The following RYR2 variants were observed in gnomAD, a reference collection of about 807,000 sequenced individuals.
RYR2 encodes the protein ryanodine receptor 2.
Under a neutral mutation model 601.1 loss-of-function variants are expected in RYR2, and 227 were observed. The observed-to-expected ratio is 0.38, with a 90% CI of 0.34 to 0.42. The LOEUF is 0.42. Among genes scored for constraint, RYR2 ranks in the 10% least tolerant of loss-of-function variants. The pLI is 1.00. For synonymous variants in RYR2, 2,223 were observed against 2,175.1 expected (o/e 1.02, Z -0.61); for missense variants, 4,646 against 6,156.5 (o/e 0.75, Z 8.21).
chr1:237,653,241 T>C (rs1682936867), intron 51 of RYR2, among the ~76,000 whole-genome samples: 1 of 151,842 alleles, frequency 6.6e-6, no homozygotes, highest in Non-Finnish European at 1.5e-5. Context: ...GTGATCAGAG[T>C]AGAGCAATTT....
intron 1 of RYR2, among the ~76,000 whole-genome samples, chr1:237,125,960 G>T (rs1185435586): frequency 3.3e-5 from 5 of 152,192 alleles, no homozygotes; most frequent in Admixed American, 3.3e-4. Context: ...ACTGAGGCCG[G>T]GCACAGTGGC....
intron 56 of RYR2, among the ~76,000 whole-genome samples, chr1:237,662,211 G>T (rs1683869880): frequency 6.6e-6 from 1 of 152,054 alleles, no homozygotes; most frequent in Non-Finnish European, 1.5e-5. Flanking sequence ...TCTTTGGGAT[G>T]TATCATATAT....
rs2148789721 is a variant in RYR2 at position 237,648,512 on chromosome 1, T to C, written c.7411T>C (p.Phe2471Leu). ...AGATCACAAGGCAGCCATGGTTTTA[T>C]TCCTTGACAGGGTCTATGGGATTGA... ...CPDHKAAMVL[F>L]LDRVYGIEVQ... Residue 2471 changes from phenylalanine to leucine, a missense_variant, in exon 49 of 105, where the codon TTC becomes CTC. Around this residue, in one of 17 missense-constraint regions of RYR2, gnomAD observed 1,497 missense variants for 1,842.6 expected, o/e 0.81. Transcript: ENST00000366574. 1.2e-6 allele frequency: 2 copies of C among 1,611,388 alleles called. No individual in the cohort carries two copies. Among genetic ancestry groups the C allele is most frequent in the Non-Finnish European group, 1.7e-6 (2 of 1,178,692 alleles).
At chr1:237,650,166 A>G in intron 50 of RYR2, 69 bp downstream of exon 50, 1 of 1,404,610 alleles carries the variant, frequency 7.1e-7, no homozygotes, top group Non-Finnish European at 9.9e-7. Context: ...GGCCTTTGAC[A>G]AATTATTTAG....
chr1:237,347,193 C>T (rs10925377), intron 3 of RYR2, among the ~76,000 whole-genome samples: 16,410 of 151,868 alleles, frequency 0.11, 1,134 homozygotes, highest in East Asian at 0.18. Flanking sequence ...CGTGGTGGTG[C>T]GCACCTGTAG....
At chr1:237,395,564 T>TTTTTTTTTTTTTGG (rs1400077755) in intron 10 of RYR2, among the ~76,000 whole-genome samples, 1 of 77,632 alleles carries the variant, frequency 1.3e-5, no homozygotes, top group African/African-American at 5.9e-5. Context: ...TTTTTTTTTT[T>TTTTTTTTTTTTTGG]GAGACAGAGT....
chr1:237,748,343 C>A (rs1692255733), intron 80 of RYR2, among the ~76,000 whole-genome samples: 1 of 152,184 alleles, frequency 6.6e-6, no homozygotes, highest in Non-Finnish European at 1.5e-5. Flanking sequence ...AGGTTCCTTA[C>A]ATCTCCTGTC....
intron 2 of RYR2, among the ~76,000 whole-genome samples, chr1:237,306,978 G>A (rs1352063783): frequency 6.6e-6 from 1 of 152,082 alleles, no homozygotes; most frequent in African/African-American, 2.4e-5. Context: ...TTACGGGTAC[G>A]TACTTATACT....
intron 3 of RYR2, among the ~76,000 whole-genome samples, chr1:237,351,132 G>T (rs373663867): frequency 1.3e-5 from 2 of 152,182 alleles, no homozygotes; most frequent in Admixed American, 6.5e-5. Flanking sequence ...GAATCAACGA[G>T]TTAATCAAAA....
intron 10 of RYR2, among the ~76,000 whole-genome samples, chr1:237,388,438 C>T (rs985007464): frequency 2.6e-5 from 4 of 152,138 alleles, no homozygotes; most frequent in African/African-American, 7.2e-5. Flanking sequence ...ACAAAATTAA[C>T]GAAGTGAGAA....
chr1:237,259,940 A>T (rs1349319920), intron 1 of RYR2, among the ~76,000 whole-genome samples: 3 of 152,214 alleles, frequency 2.0e-5, no homozygotes, highest in African/African-American at 4.8e-5. Flanking sequence ...TAGCAGATGC[A>T]CATCATATGG....
At chr1:237,705,455 T>G in intron 67 of RYR2, 112 bp downstream of exon 67, 1 of 860,358 alleles carries the variant, frequency 1.2e-6, no homozygotes, top group Non-Finnish European at 1.8e-6. Flanking sequence ...TATCCAATCT[T>G]GTTTGTTCTT....
In RYR2 at chr1:237,742,632, G is replaced by A. The variant is rs564408482; in HGVS notation, c.11145+283G>A. On this transcript the variant is annotated intron_variant, in intron 80 of 104. Coordinates refer to ENST00000366574, the MANE Select transcript of RYR2 (RefSeq NM_001035.3). ...GGCTTCAAATTGGTCTCATCTCAGC[G>A]ATGTGGTCTGGAATTTCCAACAGAC... Among the ~76,000 whole-genome samples the A allele has an allele frequency of 5.3e-4, 81 of 152,272 alleles. 1 individual carries two copies. The Middle Eastern group carries it at 0.01, about 19-fold the overall frequency.
At chr1:237,447,028 T>C (rs1657439254) in intron 14 of RYR2, among the ~76,000 whole-genome samples, 1 of 152,186 alleles carries the variant, frequency 6.6e-6, no homozygotes, top group Non-Finnish European at 1.5e-5. Flanking sequence ...AATCCTATGA[T>C]AGGGATTGAG....
At chr1:237,075,332 G>A (rs1572545583) in intron 1 of RYR2, among the ~76,000 whole-genome samples, 1 of 151,526 alleles carries the variant, frequency 6.6e-6, no homozygotes, top group Non-Finnish European at 1.5e-5. Context: ...CGACGCAGAA[G>A]ACGGGTGATT....
At chr1:237,589,685 G>A in intron 29 of RYR2, 108 bp from the exon 30 acceptor site, 1 of 971,356 alleles carries the variant, frequency 1.0e-6, no homozygotes, top group African/African-American at 1.6e-5. Context: ...TTCACCCTAG[G>A]GTGACAGCTC....
At chr1:237,100,986 C>T (rs967258375) in intron 1 of RYR2, among the ~76,000 whole-genome samples, 1 of 151,784 alleles carries the variant, frequency 6.6e-6, no homozygotes, top group African/African-American at 2.4e-5. Flanking sequence ...TTGTCTTTGC[C>T]GCCTCACTTC....
At chr1:237,536,489 C>T (rs914587434) in intron 25 of RYR2, among the ~76,000 whole-genome samples, 3 of 151,582 alleles carry the variant, frequency 2.0e-5, no homozygotes, top group African/African-American at 4.8e-5. Flanking sequence ...CCGAGGCGGG[C>T]GGATCACGAG....
chr1:237,833,351 GCCCCCC>G lies in RYR2; in HGVS notation c.*711_*716del, dbSNP rs397983403. 7 of 109,104 alleles carry G rather than the reference GCCCCCC, an allele frequency of 6.4e-5. No individual in the cohort carries two copies. The highest frequency in any genetic ancestry group is 1.2e-4 in the Non-Finnish European group (7 of 57,096). The allele number at this position is 109,104 out of a possible 1,614,324, so 6.8% of individuals were successfully genotyped here. A position where few individuals can be genotyped will look rare whatever the true frequency, so the allele number is the denominator to read the frequency against. ...TTCTCATTCAGCTAAATTCACATTTGCCCCCCCCCCCCGCCCCCGCCCCCATATGCT... is the reference window on the plus strand; with the variant it reads ...TTCTCATTCAGCTAAATTCACATTTGCCCCCCGCCCCCGCCCCCATATGCT... On this transcript the variant is annotated 3_prime_UTR_variant, in exon 105 of 105. Coordinates refer to ENST00000366574, the MANE Select transcript of RYR2 (RefSeq NM_001035.3).
Sources: gnomAD v4.1 joint callset for allele counts (sites outside exome capture counted in the v4.1 genomes callset) on GRCh38, gnomAD v4.1.1 for gene constraint, gnomAD v4.1.1 regional missense constraint, MANE v1.5 for transcripts, NCBI Gene and HGNC (gene_info 2026-07-23, HGNC 2026-07-21) for gene names.